Variants in ARHGEF33 observed in about 807,000 individuals in gnomAD.
The protein encoded by ARHGEF33 is Rho guanine nucleotide exchange factor 33.
ARHGEF33 carries 72 observed loss-of-function variants against 101.9 expected under a neutral mutation model. The observed-to-expected ratio is 0.71, with a 90% CI of 0.58 to 0.86. ARHGEF33 has a LOEUF of 0.86. Ranked by LOEUF, ARHGEF33 falls within the 40% of genes least tolerant of loss-of-function variation. The pLI is 0.00. For synonymous variants in ARHGEF33, 499 were observed against 442.5 expected (o/e 1.13, Z -1.60); for missense variants, 1,169 against 1,111.3 (o/e 1.05, Z -0.74).
chr2:38,915,226 G>T lies in ARHGEF33; in HGVS notation c.-85-4137G>T, dbSNP rs539779118. On this transcript the variant is annotated intron_variant, in intron 2 of 17. Transcript: ENST00000409978. ...GGGAAAGGTAGTTACAAAATTTTAGGTAGGCTTCATTAATAATTATGTAAA... is the reference window on the plus strand; with the variant it reads ...GGGAAAGGTAGTTACAAAATTTTAGTTAGGCTTCATTAATAATTATGTAAA... Among the ~76,000 whole-genome samples the T allele has an allele frequency of 2.6e-5, 4 of 152,086 alleles. No individual in the cohort carries two copies. The South Asian group carries it at 6.2e-4, about 24-fold the overall frequency.
At chr2:38,932,877 G>A (rs186058116) in intron 7 of ARHGEF33, among the ~76,000 whole-genome samples, 6 of 152,048 alleles carry the variant, frequency 3.9e-5, no homozygotes, top group South Asian at 4.1e-4. Context: ...CTGTATAGAC[G>A]TGGTCATAGT....
intron 2 of ARHGEF33, among the ~76,000 whole-genome samples, chr2:38,896,429 C>T (rs145757211): frequency 2.6e-5 from 4 of 152,318 alleles, no homozygotes; most frequent in Admixed American, 6.5e-5. Flanking sequence ...TGAGCCACTG[C>T]GCTCAGCCAT....
At position 38,960,394 on chromosome 2, in the gene ARHGEF33, C is replaced by T; in HGVS notation, c.2089C>T (p.Gln697Ter). 3 of 1,509,938 alleles carry T rather than the reference C, an allele frequency of 2.0e-6. No individual in the cohort carries two copies. Among genetic ancestry groups the T allele is most frequent in the Non-Finnish European group, 2.6e-6 (3 of 1,135,314 alleles). 93.5% of individuals were successfully genotyped at this position (1,509,938 alleles called of 1,614,324 possible). A position where few individuals can be genotyped will look rare whatever the true frequency, so the allele number is the denominator to read the frequency against. ...SSAYKLEAAA[Q>*]AHGKAKPLSR... ...CGCCTACAAACTGGAGGCGGCGGCGCAGGCGCACGGCAAGGCCAAGCCGCT... is the reference window on the plus strand; with the variant it reads ...CGCCTACAAACTGGAGGCGGCGGCGTAGGCGCACGGCAAGGCCAAGCCGCT... The change falls in exon 16 of 18, where the codon CAG (glutamine) becomes TAG (stop). Residue 697 changes from glutamine to a stop codon, truncating the protein, a stop_gained. Coordinates refer to ENST00000409978, the MANE Select transcript of ARHGEF33 (RefSeq NM_001145451.5). LOFTEE classifies it high-confidence loss of function.
chr2:38,965,561 T>A (rs896148855), intron 16 of ARHGEF33, among the ~76,000 whole-genome samples: 6 of 152,196 alleles, frequency 3.9e-5, no homozygotes, highest in Non-Finnish European at 8.8e-5. Flanking sequence ...AAAACTAGCA[T>A]TACAAGTAAG....
intron 16 of ARHGEF33, among the ~76,000 whole-genome samples, chr2:38,965,048 C>T (rs1270840411): frequency 3.3e-5 from 5 of 150,050 alleles, no homozygotes; most frequent in Non-Finnish European, 7.4e-5. Flanking sequence ...ATATGTTTCC[C>T]GAAAAAAAAA....
intron 16 of ARHGEF33, 122 bp from the exon 17 acceptor site, chr2:38,965,884 G>C (rs1473100209): frequency 2.6e-6 from 3 of 1,173,748 alleles, no homozygotes; most frequent in Non-Finnish European, 3.6e-6. Flanking sequence ...GGGATTGGGT[G>C]CCCACTGGTA....
chr2:38,920,994 C>T (rs535751941), intron 3 of ARHGEF33, among the ~76,000 whole-genome samples: 18 of 152,194 alleles, frequency 1.2e-4, no homozygotes, highest in African/African-American at 3.4e-4. Context: ...GGTGAAGAGC[C>T]GCCTTCCTGA....
intron 10 of ARHGEF33, among the ~76,000 whole-genome samples, chr2:38,945,294 C>T (rs1306298363): frequency 1.3e-5 from 2 of 152,196 alleles, no homozygotes; most frequent in African/African-American, 4.8e-5. Flanking sequence ...CAACAATACA[C>T]TCAAAACACA....
At chr2:38,952,687 A>T (rs1455739776) in intron 11 of ARHGEF33, among the ~76,000 whole-genome samples, 1 of 151,524 alleles carries the variant, frequency 6.6e-6, no homozygotes, top group African/African-American at 2.4e-5. Context: ...TAAAACCAAA[A>T]TTTTTTTTAA....
At chr2:38,958,240 T>C in intron 15 of ARHGEF33, 42 bp downstream of exon 15, 1 of 1,548,452 alleles carries the variant, frequency 6.5e-7, no homozygotes, top group Non-Finnish European at 8.7e-7. Context: ...CCAATGCCTT[T>C]GGGACCCAGC....
rs1403423571 is a variant in ARHGEF33 at position 38,921,357 on chromosome 2, G to A, written c.26-17G>A. On this transcript the variant is annotated splice_polypyrimidine_tract_variant and intron_variant, in intron 3 of 17. Coordinates refer to ENST00000409978, the MANE Select transcript of ARHGEF33 (RefSeq NM_001145451.5). ...GAATGAGTAGTGTTGATTAAACAAA[G>A]CTCTTTCTCCCTGCAGGAGAGAATG... is the stretch of plus-strand genomic sequence containing the variant. The A allele has an allele frequency of 1.0e-5, 15 of 1,495,042 alleles. No individual in the cohort carries two copies. The East Asian group carries it at 3.2e-4, about 32-fold the overall frequency. The allele number at this position is 1,495,042 out of a possible 1,614,324, so 92.6% of individuals were successfully genotyped here. A position where few individuals can be genotyped will look rare whatever the true frequency, so the allele number is the denominator to read the frequency against.
rs958412 is a variant in ARHGEF33, at chr2:38,960,378, A to T, written c.2073A>T (p.Lys691Asn). 2 of 1,521,440 alleles carry T rather than the reference A, an allele frequency of 1.3e-6. No homozygotes were observed. The highest frequency in any genetic ancestry group is 2.0e-5 in the Admixed American group (1 of 49,612). 94.2% of individuals were successfully genotyped at this position (1,521,440 alleles called of 1,614,324 possible). A position where few individuals can be genotyped will look rare whatever the true frequency, so the allele number is the denominator to read the frequency against. ...CGGCGGGCAGCAGCAGCGCCTACAA[A>T]CTGGAGGCGGCGGCGCAGGCGCACG... is the stretch of plus-strand genomic sequence containing the variant. ...TSPAGSSSAY[K>N]LEAAAQAHGK... is the part of the protein sequence containing the mutation. Residue 691 changes from lysine (K) to asparagine (N), a missense_variant, in exon 16 of 18, where the codon AAA (lysine) becomes AAT (asparagine). Lys to Asn is a moderately conservative substitution (Grantham distance 94). Transcript: ENST00000409978.
intron 1 of ARHGEF33, among the ~76,000 whole-genome samples, chr2:38,894,478 C>T (rs1208020695): frequency 1.3e-5 from 2 of 151,408 alleles, no homozygotes; most frequent in Admixed American, 1.3e-4. Flanking sequence ...GTATTTCTCT[C>T]TTACATTAAA....
rs1423371219 is a variant in ARHGEF33 at position 38,960,282 on chromosome 2, C to G, written c.1977C>G (p.Pro659=). 11 of 1,547,068 alleles carry G rather than the reference C, an allele frequency of 7.1e-6. No individual in the cohort carries two copies. Among genetic ancestry groups the G allele is most frequent in the South Asian group, 1.2e-5 (1 of 83,874 alleles). ...ESSLDICFLR[P]VSFAMEAERP... is the part of the protein sequence containing the mutation. ...GCCTGGACATCTGCTTCCTGCGGCC[C>G]GTCAGCTTCGCCATGGAGGCCGAGC... Residue 659 remains proline (P), a synonymous_variant, in exon 16 of 18, where the codon CCC becomes CCG. Transcript: ENST00000409978.
rs757800727 is a variant in ARHGEF33 at position 38,957,545 on chromosome 2, G to T, written c.1371-489G>T. Among the ~76,000 whole-genome samples, 4 of 152,166 alleles carry T rather than the reference G, an allele frequency of 2.6e-5. No homozygotes were observed. In the East Asian group the frequency reaches 5.8e-4, roughly 22 times the overall value. ...TAAATAAGATGGTGATATGTGATAT[G>T]GATAAAAATAAAGCAAATAAGGGAG... On this transcript the variant is annotated intron_variant, in intron 14 of 17. Coordinates refer to ENST00000409978, the MANE Select transcript of ARHGEF33 (RefSeq NM_001145451.5).
chr2:38,970,693 T>G (rs1269050864), intron 17 of ARHGEF33, among the ~76,000 whole-genome samples: 3 of 152,242 alleles, frequency 2.0e-5, no homozygotes, highest in African/African-American at 7.2e-5. Context: ...CAGATCAATT[T>G]AAGGATAACC....
At chr2:38,898,625 C>G (rs978873896) in intron 2 of ARHGEF33, among the ~76,000 whole-genome samples, 4 of 152,152 alleles carry the variant, frequency 2.6e-5, no homozygotes, top group African/African-American at 9.7e-5. Context: ...TTGCAGATAA[C>G]ATCATAGCTG....
intron 17 of ARHGEF33, among the ~76,000 whole-genome samples, chr2:38,966,925 T>C (rs2124430651): frequency 6.6e-6 from 1 of 152,278 alleles, no homozygotes; most frequent in South Asian, 2.1e-4. Flanking sequence ...GCTGTTTCAA[T>C]CTCCACTGGC....
At chr2:38,931,049 C>T (rs1040390582) in intron 6 of ARHGEF33, 60 bp from the exon 7 acceptor site, 1 of 1,328,160 alleles carries the variant, frequency 7.5e-7, no homozygotes, top group Admixed American at 2.5e-5. Flanking sequence ...AACTGAATCT[C>T]CTCATAACCT....
Sources: allele counts gnomAD v4.1 joint callset (sites outside exome capture counted in the v4.1 genomes callset), GRCh38; gene constraint gnomAD v4.1.1; transcripts MANE v1.5; gene names NCBI Gene and HGNC (gene_info 2026-07-23, HGNC 2026-07-21).